Variants in DSE observed in about 807,000 individuals in gnomAD.
The protein encoded by DSE is dermatan sulfate epimerase, also known as dermatan-sulfate epimerase.
In DSE, 36 loss-of-function variants were observed where a neutral mutation model predicts 84.4. The observed-to-expected ratio is 0.43, with a 90% CI of 0.33 to 0.56. The LOEUF (loss-of-function observed/expected upper bound fraction) is 0.56. Ranked by LOEUF, DSE falls within the 20% of genes least tolerant of loss-of-function variation. The pLI, the probability that DSE is intolerant of heterozygous loss-of-function variation, is 0.06. For synonymous variants in DSE, 410 were observed against 430.1 expected, an observed-to-expected ratio of 0.95 and a Z score of 0.58; for missense variants, 862 against 1,169.6, an observed-to-expected ratio of 0.74 and a Z score of 3.84.
intron 2 of DSE, among the ~76,000 whole-genome samples, chr6:116,410,188 A>G (rs1042681863): frequency 6.6e-6 from 1 of 152,204 alleles, no homozygotes; most frequent in African/African-American, 2.4e-5. Context: ...TGTAGCTGAT[A>G]AAGTATTTTG....
At chr6:116,283,750 G>A (rs908457212) in intron 2 of DSE, among the ~76,000 whole-genome samples, 3 of 152,058 alleles carry the variant, frequency 2.0e-5, no homozygotes, top group Non-Finnish European at 4.4e-5. Flanking sequence ...CCCCACGTTG[G>A]TCAGGCTGGT....
chr6:116,286,325 C>T (rs947261932), intron 2 of DSE, among the ~76,000 whole-genome samples: 16 of 151,948 alleles, frequency 1.1e-4, no homozygotes, highest in Non-Finnish European at 2.2e-4. Flanking sequence ...AATGTGTAAC[C>T]ATCATTGATG....
chr6:116,358,784 C>A (rs920860571), intron 2 of DSE, among the ~76,000 whole-genome samples: 2 of 152,186 alleles, frequency 1.3e-5, no homozygotes, highest in Non-Finnish European at 2.9e-5. Context: ...TGAATTTAAT[C>A]AAAGTTGGCT....
intron 2 of DSE, among the ~76,000 whole-genome samples, chr6:116,328,975 A>G (rs1776790855): frequency 6.6e-6 from 1 of 152,226 alleles, no homozygotes; most frequent in Non-Finnish European, 1.5e-5. Context: ...TACGCCTGGC[A>G]GTTCCGCTTA....
At chr6:116,398,637 T>C (rs1045827183) in intron 1 of DSE, among the ~76,000 whole-genome samples, 1 of 152,250 alleles carries the variant, frequency 6.6e-6, no homozygotes, top group Non-Finnish European at 1.5e-5. Flanking sequence ...TCTTTCCACC[T>C]TCTGCTCACA....
intron 2 of DSE, among the ~76,000 whole-genome samples, chr6:116,423,889 G>A (rs150388868): frequency 1.2e-3 from 180 of 152,262 alleles, no homozygotes; most frequent in African/African-American, 3.5e-3. Flanking sequence ...TTTCTTTTGG[G>A]GCGCCAGTGT....
intron 2 of DSE, among the ~76,000 whole-genome samples, chr6:116,292,199 G>A (rs1268223796): frequency 1.3e-5 from 2 of 152,102 alleles, no homozygotes; most frequent in African/African-American, 4.8e-5. Context: ...ATAGAGCTCT[G>A]AGGAACACTG....
At position 116,399,315 on chromosome 6, in the gene DSE, C is replaced by T. The variant is rs200951460; in HGVS notation, c.65C>T (p.Ala22Val). The T allele has an allele frequency of 6.2e-7, 1 of 1,614,078 alleles. No individual in the cohort carries two copies. Among genetic ancestry groups the T allele is most frequent in the Non-Finnish European group, 8.5e-7 (1 of 1,180,040 alleles). Residue 22 changes from alanine (A) to valine (V), a missense_variant, in exon 2 of 6, where the codon GCC (alanine) becomes GTC (valine). Ala to Val is a moderately conservative substitution (Grantham distance 64). This residue lies in a region of DSE where 52 missense variants were observed against 49.6 expected (regional missense o/e 1.05). Transcript: ENST00000644252. ...FFIYLLCFVSAYITDENPEVM... is the reference protein window; with the variant it reads ...FFIYLLCFVSVYITDENPEVM... ...ATATATTTGCTTTGCTTTGTGTCAGCCTACATCACCGACGAGAACCCAGAA... is the reference window on the plus strand; with the variant it reads ...ATATATTTGCTTTGCTTTGTGTCAGTCTACATCACCGACGAGAACCCAGAA...
chr6:116,371,331 G>C (rs552541469), intron 1 of DSE, among the ~76,000 whole-genome samples: 267 of 152,326 alleles, frequency 1.8e-3, no homozygotes, highest in Non-Finnish European at 3.3e-3. Context: ...CCTGAGCCAC[G>C]GGCTTCCCCG....
chr6:116,370,215 C>G (rs1013494506), upstream of DSE: 27 of 255,572 alleles, frequency 1.1e-4, no homozygotes, highest in Middle Eastern at 1.5e-3. Flanking sequence ...ACACACCCCC[C>G]CACCGCGTAA....
chr6:116,433,431 C>A lies in DSE; in HGVS notation c.999C>A (p.Val333=). ...ESQLVFLDKF[V]MRNGSGNWLA... ...AATTAGTGTTCCTTGATAAATTTGTCATGCGTAATGGCAGTGGTAACTGGC... is the reference window on the plus strand; with the variant it reads ...AATTAGTGTTCCTTGATAAATTTGTAATGCGTAATGGCAGTGGTAACTGGC... Residue 333 remains valine, a synonymous_variant, in exon 5 of 6, where the codon GTC becomes GTA. Transcript: ENST00000644252. 1.9e-6 allele frequency: 3 copies of A among 1,551,892 alleles called. No homozygotes were observed. The highest frequency in any genetic ancestry group is 1.7e-6 in the Non-Finnish European group (2 of 1,147,134).
At chr6:116,382,354 A>G (rs1429152291) in intron 1 of DSE, among the ~76,000 whole-genome samples, 1 of 152,122 alleles carries the variant, frequency 6.6e-6, no homozygotes, top group Non-Finnish European at 1.5e-5. Flanking sequence ...TTTATATGAT[A>G]ATCAGTTAAT....
chr6:116,328,793 T>G (rs1426378351), intron 2 of DSE, among the ~76,000 whole-genome samples: 4 of 152,172 alleles, frequency 2.6e-5, no homozygotes, highest in African/African-American at 9.7e-5. Flanking sequence ...AGGAAGTGAG[T>G]GTTCCCTTTC....
At chr6:116,370,891 G>C (rs1307398441), upstream of DSE, 1 of 985,682 alleles carries the variant, frequency 1.0e-6, no homozygotes, top group Non-Finnish European at 1.2e-6. Flanking sequence ...CGCCCGCCGC[G>C]TCCCTCCCTC....
chr6:116,315,445 T>G (rs918469853), intron 2 of DSE, among the ~76,000 whole-genome samples: 13 of 152,136 alleles, frequency 8.5e-5, no homozygotes, highest in Non-Finnish European at 1.3e-4. Flanking sequence ...TTTCATTTAC[T>G]AGGGTATACC....
intron 2 of DSE, among the ~76,000 whole-genome samples, chr6:116,267,657 G>T (rs1054813666): frequency 6.6e-6 from 1 of 152,136 alleles, no homozygotes; most frequent in Non-Finnish European, 1.5e-5. Flanking sequence ...GTGTCCCAAA[G>T]TGTACAATGT....
chr6:116,258,878 C>T (rs1039582651), exon 2 of DSE: 9 of 1,605,954 alleles, frequency 5.6e-6, no homozygotes, highest in Admixed American at 3.3e-5. Flanking sequence ...TTGTTGCAGC[C>T]GTGCATCATC....
upstream of DSE, chr6:116,366,426 A>G (rs1206325411): frequency 2.0e-5 from 3 of 152,366 alleles, no homozygotes; most frequent in African/African-American, 7.2e-5. Context: ...GAAGGAGCTT[A>G]TAATACTAAA....
chr6:116,369,807 C>T (rs1779396920), upstream of DSE: 20 of 832,200 alleles, frequency 2.4e-5, no homozygotes, highest in Admixed American at 2.6e-4. Flanking sequence ...CACATTTTTT[C>T]CTTATTTGGC....
Sources: gnomAD v4.1 joint callset for allele counts (sites outside exome capture counted in the v4.1 genomes callset) on GRCh38, gnomAD v4.1.1 for gene constraint, gnomAD v4.1.1 regional missense constraint, MANE v1.5 for transcripts, NCBI Gene and HGNC (gene_info 2026-07-23, HGNC 2026-07-21) for gene names.